The following PKD1L1 variants were observed in gnomAD, a reference collection of about 807,000 sequenced individuals.
PKD1L1 encodes polycystin-1-like protein 1.
Under a neutral mutation model 323.4 loss-of-function variants are expected in PKD1L1, and 236 were observed. The observed-to-expected ratio is 0.73, with a 90% CI of 0.66 to 0.81. PKD1L1 has a LOEUF of 0.81. Ranked by LOEUF, PKD1L1 falls within the 40% of genes least tolerant of loss-of-function variation. The pLI is 0.00. For missense variants in PKD1L1, 3,320 were observed against 3,508.0 expected (o/e 0.95, Z 1.35); for synonymous variants, 1,344 against 1,335.0 (o/e 1.01, Z -0.15).
At position 47,877,598 on chromosome 7, in the gene PKD1L1, A is replaced by G. The variant is rs776826992; in HGVS notation, c.3554T>C (p.Leu1185Pro). 5 of 1,614,192 alleles carry G rather than the reference A, an allele frequency of 3.1e-6. No homozygotes were observed. The South Asian group carries it at 4.4e-5, about 14-fold the overall frequency. ...SKHGLLGKAQ[L>P]YLTVNPAPRD... ...AGGAGCCGGGTTGACTGTCAAGTAC[A>G]GCTGAGCTTTACCCAGTAAGCCATG... The change falls in exon 22 of 57, where the codon CTG becomes CCG. Residue 1185 changes from leucine (L) to proline (P), a missense_variant. Transcript: ENST00000289672.
At position 47,815,401 on chromosome 7, in the gene PKD1L1, C is replaced by T; in HGVS notation, c.7022G>A (p.Ser2341Asn). Residue 2341 changes from serine to asparagine, a missense_variant, in exon 47 of 57, where the codon AGT (serine) becomes AAT (asparagine). By Grantham distance (46) the Ser-to-Asn change is conservative (BLOSUM62 1). Transcript: ENST00000289672. ...LRNIADWWDW[S>N]LTTLLDGLYP... is the part of the protein sequence containing the mutation. Reference sequence around the variant, plus strand: ...CAGGCCATCCAGAAGTGTGGTCAGACTCCAGTCCCACCAGTCAGCGATGTT... The same window carrying T: ...CAGGCCATCCAGAAGTGTGGTCAGATTCCAGTCCCACCAGTCAGCGATGTT... 6.2e-7 allele frequency: 1 copy of T among 1,614,152 alleles called. No homozygotes were observed. The highest frequency in any genetic ancestry group is 1.1e-5 in the South Asian group (1 of 91,082).
Position 47,839,527 on chromosome 7 carries a change from C to T in PKD1L1, c.5688G>A (p.Gln1896=). 1 of 1,611,818 alleles carries T rather than the reference C, an allele frequency of 6.2e-7. No homozygotes were observed. The highest frequency in any genetic ancestry group is 8.5e-7 in the Non-Finnish European group (1 of 1,179,470). The change falls in exon 36 of 57, where the codon CAG becomes CAA. Residue 1896 remains glutamine, a synonymous_variant. Coordinates refer to ENST00000289672, the MANE Select transcript of PKD1L1 (RefSeq NM_138295.5). This position sits in a 1 kb window ranked among gnomAD's most constrained non-coding sequence, Gnocchi z 4.3. The part of the protein sequence containing the change: ...HTGQGWFFPA[Q]CWLSAGRHDG... ...CATGCCTGCCGGCAGACAGCCAGCA[C>T]TGGGCAGGGAAGAACCAGCCCTGTC...
chr7:47,942,792 G>C (rs970728027), intron 2 of PKD1L1, among the ~76,000 whole-genome samples: 1 of 152,044 alleles, frequency 6.6e-6, no homozygotes, highest in Admixed American at 6.6e-5. Flanking sequence ...CCAGATCTCA[G>C]CCTCACCCCA....
chr7:47,829,295 AT>A (rs1785295300), intron 44 of PKD1L1, 129 bp downstream of exon 44: 1 of 894,306 alleles, frequency 1.1e-6, no homozygotes, highest in African/African-American at 1.7e-5. Context: ...AGCATAAGAA[AT>A]TAAGACATCC....
chr7:47,936,784 G>A lies in PKD1L1; in HGVS notation c.398+62C>T, dbSNP rs575588369. 3 of 1,301,912 alleles carry A rather than the reference G, an allele frequency of 2.3e-6. No individual in the cohort carries two copies. The African/African-American group carries it at 4.5e-5, about 19-fold the overall frequency. The allele number at this position is 1,301,912 out of a possible 1,614,324, so 80.6% of individuals were successfully genotyped here. A position where few individuals can be genotyped will look rare whatever the true frequency, so the allele number is the denominator to read the frequency against. On this transcript the variant is annotated intron_variant, in intron 4 of 56. Coordinates refer to ENST00000289672, the MANE Select transcript of PKD1L1 (RefSeq NM_138295.5). ...GACTTTCACATCTGAGCAATTCTTTGTAAGTTCCATGTCATTTGCATGTTC... is the reference window on the plus strand; with the variant it reads ...GACTTTCACATCTGAGCAATTCTTTATAAGTTCCATGTCATTTGCATGTTC...
At chr7:47,960,604 G>A in the PKD1L1 span, among the ~76,000 whole-genome samples, 66 of 150,942 alleles carry the variant, frequency 4.4e-4, no homozygotes, top group African/African-American at 1.4e-3. Context: ...TAGAGTGTGT[G>A]ACGGTAGATT....
intron 8 of PKD1L1, among the ~76,000 whole-genome samples, chr7:47,909,205 T>C (rs1787268439): frequency 6.6e-6 from 1 of 152,238 alleles, no homozygotes; most frequent in South Asian, 2.1e-4. Context: ...TCTTAAACTG[T>C]ACATTTGATT....
intron 7 of PKD1L1, among the ~76,000 whole-genome samples, chr7:47,928,719 C>T (rs74721110): frequency 0.059 from 8,996 of 152,142 alleles, 419 homozygotes; most frequent in African/African-American, 0.13. Flanking sequence ...ATGGGTCCAA[C>T]GCTGGAATGT....
At chr7:47,791,358 T>C (rs114690084) in intron 56 of PKD1L1, among the ~76,000 whole-genome samples, 2,002 of 152,286 alleles carry the variant, frequency 0.013, 45 homozygotes, top group African/African-American at 0.046. Flanking sequence ...ATTTGCTTTA[T>C]TTTTTTCTTT....
rs139628743 is a variant in PKD1L1 at position 47,931,313 on chromosome 7, G to A, written c.528C>T (p.Gly176=). The A allele has an allele frequency of 1.9e-4, 303 of 1,614,214 alleles. 1 individual carries two copies. In the African/African-American group the frequency reaches 3.7e-3, roughly 19 times the overall value. ...TGCAGGGAGCTGCTGCAGAAGTGGTGCCCTGGAGCTTAAAAGTTTAAGAAC... is the reference window on the plus strand; with the variant it reads ...TGCAGGGAGCTGCTGCAGAAGTGGTACCCTGGAGCTTAAAAGTTTAAGAAC... ...STFSALLQLQ[G]TTSAAAPCSL... Residue 176 remains glycine, a synonymous_variant, in exon 6 of 57, where the codon GGC becomes GGT. Transcript: ENST00000289672.
intron 24 of PKD1L1, 41 bp from the exon 25 acceptor site, chr7:47,866,655 C>T (rs749621623): frequency 1.6e-5 from 24 of 1,516,900 alleles, no homozygotes; most frequent in Admixed American, 4.2e-5. Flanking sequence ...TTCCAACACA[C>T]GGCAAAACTT....
intron 4 of PKD1L1, among the ~76,000 whole-genome samples, chr7:47,935,192 A>T (rs1382231983): frequency 6.6e-6 from 1 of 152,240 alleles, no homozygotes; most frequent in East Asian, 1.9e-4. Flanking sequence ...CTCAAAAATA[A>T]GCTGCGAAAT....
In PKD1L1 at chr7:47,855,170, C is replaced by T; in HGVS notation, c.4686G>A (p.Gly1562=). The T allele has an allele frequency of 1.2e-6, 2 of 1,614,132 alleles. No homozygotes were observed. The highest frequency in any genetic ancestry group is 1.7e-6 in the Non-Finnish European group (2 of 1,179,994). The stretch of plus-strand genomic sequence containing the variant: ...CTCTCCTTACCAGGCCATCCTCCTC[C>T]CCAAACTCGACCATCACGGGTTTCC... The part of the protein sequence containing the change: ...WLRKPVMVEF[G]EEDGLDNRRN... The change falls in exon 29 of 57, where the codon GGG becomes GGA. Residue 1562 remains glycine (G), a synonymous_variant. Coordinates refer to ENST00000289672, the MANE Select transcript of PKD1L1 (RefSeq NM_138295.5).
Position 47,813,236 on chromosome 7 carries a change from C to G in PKD1L1, c.7231G>C (p.Val2411Leu), listed in dbSNP as rs948660002. Residue 2411 changes from valine to leucine, a missense_variant, in exon 49 of 57, where the codon GTT becomes CTT. Transcript: ENST00000289672. ...AGGTAGGGGTTCTCAGGGCCTCCAACTTCGGGACTACATGTAGGAATAGAG... is the reference window on the plus strand; with the variant it reads ...AGGTAGGGGTTCTCAGGGCCTCCAAGTTCGGGACTACATGTAGGAATAGAG... Reference protein sequence around the residue: ...EDSIPTCSPEVGGPENPYLID... With the variant: ...EDSIPTCSPELGGPENPYLID... 1.2e-6 allele frequency: 2 copies of G among 1,614,076 alleles called. No individual in the cohort carries two copies. The highest frequency in any genetic ancestry group is 2.7e-5 in the African/African-American group (2 of 74,932).
At chr7:47,879,065 G>A (rs536416387) in intron 21 of PKD1L1, among the ~76,000 whole-genome samples, 7 of 152,330 alleles carry the variant, frequency 4.6e-5, no homozygotes, top group African/African-American at 1.4e-4. Flanking sequence ...AAAAGCAAAC[G>A]CTGCCCGTCT....
At chr7:47,922,573 G>A (rs1469288423) in intron 7 of PKD1L1, among the ~76,000 whole-genome samples, 1 of 151,662 alleles carries the variant, frequency 6.6e-6, no homozygotes, top group African/African-American at 2.4e-5. Context: ...ACCCCGTCTG[G>A]GAACTGAGTA....
At chr7:47,803,899 G>A (rs1784719498) in intron 52 of PKD1L1, among the ~76,000 whole-genome samples, 1 of 152,176 alleles carries the variant, frequency 6.6e-6, no homozygotes, top group South Asian at 2.1e-4. Flanking sequence ...GTACAACTGG[G>A]GGGCATGGCA....
intron 53 of PKD1L1, among the ~76,000 whole-genome samples, chr7:47,801,826 C>G (rs868113230): frequency 2.4e-4 from 37 of 152,346 alleles, no homozygotes; most frequent in Middle Eastern, 6.8e-3. Context: ...TCTATACTTG[C>G]TGCACAGTTA....
chr7:47,800,579 G>C, intron 54 of PKD1L1, 70 bp downstream of exon 54: 1 of 1,486,002 alleles, frequency 6.7e-7, no homozygotes, highest in South Asian at 1.2e-5. Context: ...ACATGGACCA[G>C]AGTTTCACCC....
Sources: gnomAD v4.1 joint callset for allele counts (sites outside exome capture counted in the v4.1 genomes callset) on GRCh38, gnomAD v4.1.1 for gene constraint, Gnocchi (gnomAD v3.1) non-coding constraint, MANE v1.5 for transcripts, NCBI Gene and HGNC (gene_info 2026-07-23, HGNC 2026-07-21) for gene names.